The following UST variants were observed in gnomAD, a reference collection of about 807,000 sequenced individuals.
UST encodes uronyl 2-sulfotransferase.
A neutral mutation model predicts 45.6 loss-of-function variants in UST; 21 were observed. That is an observed-to-expected ratio of 0.46 (90% confidence interval 0.33 to 0.66). The LOEUF (loss-of-function observed/expected upper bound fraction) is 0.66. Among genes scored for constraint, UST ranks in the 30% least tolerant of loss-of-function variants. UST has a pLI of 0.02. For synonymous variants in UST, 215 were observed against 200.6 expected (o/e 1.07, Z -0.61); for missense variants, 463 against 512.4 (o/e 0.90, Z 0.93).
At chr6:148,932,953 A>AG (rs766830382) in intron 2 of UST, among the ~76,000 whole-genome samples, 193 of 152,320 alleles carry the variant, frequency 1.3e-3, no homozygotes, top group Non-Finnish European at 1.6e-3. Flanking sequence ...GGGAATCATT[A>AG]GGTTCAGTGC....
intron 5 of UST, among the ~76,000 whole-genome samples, chr6:148,975,896 A>G (rs1479368523): frequency 2.0e-5 from 3 of 152,216 alleles, no homozygotes; most frequent in Non-Finnish European, 4.4e-5. Context: ...CAAAGCATAT[A>G]GGCAATGGAA....
Position 148,747,557 on chromosome 6 carries a change from T to A in UST, c.127T>A (p.Phe43Ile), listed in dbSNP as rs1253835370. 2 of 1,574,110 alleles carry A rather than the reference T, an allele frequency of 1.3e-6. No homozygotes were observed. The highest frequency in any genetic ancestry group is 3.7e-5 in the Admixed American group (2 of 54,474). Residue 43 changes from phenylalanine (F) to isoleucine (I), a missense_variant, in exon 1 of 8, where the codon TTC becomes ATC. This residue lies in a region of UST where 176 missense variants were observed against 138.3 expected (regional missense o/e 1.27). Coordinates refer to ENST00000367463, the MANE Select transcript of UST (RefSeq NM_005715.3). ...RRVPLLPFLR[F>I]SLRDYGFCMA... ...GGTGCCCCTGCTGCCTTTCCTGCGC[T>A]TCTCCCTCCGGGACTACGGCTTCTG...
intron 5 of UST, among the ~76,000 whole-genome samples, chr6:148,983,271 G>C (rs1186164393): frequency 6.6e-6 from 1 of 152,138 alleles, no homozygotes; most frequent in African/African-American, 2.4e-5. Flanking sequence ...TCTTACCAGC[G>C]GCTCTTGGAA....
In UST at chr6:149,074,330, G is replaced by A. The variant is rs56334354; in HGVS notation, c.*214G>A. On this transcript the variant is annotated 3_prime_UTR_variant, in exon 8 of 8. Transcript: ENST00000367463. The stretch of plus-strand genomic sequence containing the variant: ...TCTCTTGGCTCTTTGGGTCTTTCCC[G>A]GGTACACTAGATGGCTCCATCCCAA... 53,877 of 588,152 alleles carry A rather than the reference G, an allele frequency of 0.092. 2,945 individuals carry two copies. The highest frequency in any genetic ancestry group is 0.12 in the Middle Eastern group (263 of 2,190). 36.4% of individuals were successfully genotyped at this position (588,152 alleles called of 1,614,324 possible). A position where few individuals can be genotyped will look rare whatever the true frequency, so the allele number is the denominator to read the frequency against.
intron 1 of UST, among the ~76,000 whole-genome samples, chr6:148,855,190 G>A (rs577324548): frequency 6.6e-6 from 1 of 152,290 alleles, no homozygotes; most frequent in African/African-American, 2.4e-5. Flanking sequence ...GGACCTGTGG[G>A]AGTTACTATT....
At chr6:148,870,507 C>G (rs981373644) in intron 1 of UST, among the ~76,000 whole-genome samples, 3 of 152,214 alleles carry the variant, frequency 2.0e-5, no homozygotes, top group African/African-American at 7.2e-5. Flanking sequence ...CAGCAGTCCC[C>G]TGGGTATGCA....
intron 1 of UST, among the ~76,000 whole-genome samples, chr6:148,884,127 C>T (rs1223972977): frequency 3.0e-5 from 4 of 133,552 alleles, no homozygotes; most frequent in Non-Finnish European, 4.6e-5. Context: ...AGTGAGACAC[C>T]GTCTCAAAAA....
intron 7 of UST, among the ~76,000 whole-genome samples, chr6:149,062,791 T>TGA (rs1776673389): frequency 6.6e-6 from 1 of 152,246 alleles, no homozygotes; most frequent in South Asian, 2.1e-4. Flanking sequence ...GCTGGTCTTG[T>TGA]GACCTCTGGG....
At chr6:148,848,938 C>T (rs948278220) in intron 1 of UST, among the ~76,000 whole-genome samples, 11 of 152,124 alleles carry the variant, frequency 7.2e-5, no homozygotes, top group Non-Finnish European at 1.0e-4. Context: ...AGGCTAAAGA[C>T]CCTAGAGCCC....
At chr6:148,843,160 A>G (rs1385268900) in intron 1 of UST, among the ~76,000 whole-genome samples, 2 of 152,232 alleles carry the variant, frequency 1.3e-5, no homozygotes, top group Non-Finnish European at 2.9e-5. Flanking sequence ...GCAGATGGTA[A>G]GTGAGACAGG....
chr6:148,789,758 C>T (rs1776803956), intron 1 of UST, among the ~76,000 whole-genome samples: 1 of 151,896 alleles, frequency 6.6e-6, no homozygotes. Flanking sequence ...CCACCACACC[C>T]AGCTAGTTTT....
chr6:148,975,366 G>A (rs769209985), intron 5 of UST, among the ~76,000 whole-genome samples: 19 of 152,144 alleles, frequency 1.2e-4, no homozygotes, highest in African/African-American at 3.1e-4. Context: ...TAACAGATGC[G>A]AGGATGTGTG....
intron 5 of UST, among the ~76,000 whole-genome samples, chr6:148,993,956 CTTTTTTTTTTTTTTTTT>C (rs57552256): frequency 1.0e-5 from 1 of 95,366 alleles, no homozygotes; most frequent in African/African-American, 4.6e-5. Context: ...TATTTCTTTC[CTTTTTTTTTTTTTTTTT>C]TTTTTTTTTT....
intron 5 of UST, among the ~76,000 whole-genome samples, chr6:148,966,826 T>C (rs914183542): frequency 3.3e-5 from 5 of 152,248 alleles, no homozygotes; most frequent in Non-Finnish European, 7.3e-5. Context: ...AACCTCCACC[T>C]CCGGGGTTCA....
At chr6:148,832,175 G>C (rs1437931174) in intron 1 of UST, among the ~76,000 whole-genome samples, 2 of 152,162 alleles carry the variant, frequency 1.3e-5, no homozygotes, top group Non-Finnish European at 2.9e-5. Context: ...ATTTTTAGTA[G>C]AGACAGGGTT....
intron 1 of UST, among the ~76,000 whole-genome samples, chr6:148,864,244 G>C (rs114378704): frequency 6.6e-6 from 1 of 152,338 alleles, no homozygotes; most frequent in South Asian, 2.1e-4. Context: ...CTCGCAGTTC[G>C]ATCTCATACT....
chr6:148,876,137 T>C (rs1009742784), intron 1 of UST, among the ~76,000 whole-genome samples: 5 of 152,056 alleles, frequency 3.3e-5, no homozygotes, highest in Non-Finnish European at 1.5e-5. Flanking sequence ...AGCTTACATA[T>C]GCATGGCAGA....
chr6:148,983,355 A>G (rs922234997), intron 5 of UST, among the ~76,000 whole-genome samples: 2 of 152,238 alleles, frequency 1.3e-5, no homozygotes, highest in African/African-American at 4.8e-5. Flanking sequence ...GGCTAGGAAC[A>G]AGGCAGGAAT....
chr6:148,814,259 C>T (rs966560905), intron 1 of UST, among the ~76,000 whole-genome samples: 8 of 152,096 alleles, frequency 5.3e-5, no homozygotes, highest in African/African-American at 1.7e-4. Context: ...CTTTACAGCC[C>T]GCTGTAAGGA....
Sources: allele counts gnomAD v4.1 joint callset (sites outside exome capture counted in the v4.1 genomes callset), GRCh38; gene constraint gnomAD v4.1.1; regional missense constraint gnomAD v4.1.1; transcripts MANE v1.5; gene names NCBI Gene and HGNC (gene_info 2026-07-23, HGNC 2026-07-21).